Variants in PRKG2 observed in about 807,000 individuals in gnomAD.
The protein encoded by PRKG2 is cGMP-dependent protein kinase 2.
A neutral mutation model predicts 97.2 loss-of-function variants in PRKG2; 33 were observed. That is an observed-to-expected ratio of 0.34 (90% confidence interval 0.26 to 0.45). The LOEUF (loss-of-function observed/expected upper bound fraction) is 0.45, where lower values mean the gene tolerates loss of function less well. Ranked by LOEUF, PRKG2 falls within the 20% of genes least tolerant of loss-of-function variation. The pLI is 1.00. For missense variants in PRKG2, 638 were observed against 900.0 expected, an observed-to-expected ratio of 0.71 and a Z score of 3.73; for synonymous variants, 330 against 321.8, an observed-to-expected ratio of 1.03 and a Z score of -0.27.
At chr4:81,210,590 T>C (rs1021109211) in intron 1 of PRKG2, among the ~76,000 whole-genome samples, 3 of 152,196 alleles carry the variant, frequency 2.0e-5, no homozygotes, top group African/African-American at 2.4e-5. Context: ...GGAATGCTCA[T>C]TCATTGCTAG....
intron 1 of PRKG2, among the ~76,000 whole-genome samples, chr4:81,207,278 G>A (rs1753732899): frequency 6.6e-6 from 1 of 152,154 alleles, no homozygotes; most frequent in South Asian, 2.1e-4. Flanking sequence ...TTTCTAGACA[G>A]CCTTCTTGGT....
At chr4:81,187,087 A>G (rs916378631) in intron 2 of PRKG2, among the ~76,000 whole-genome samples, 3 of 152,130 alleles carry the variant, frequency 2.0e-5, no homozygotes, top group Non-Finnish European at 2.9e-5. Context: ...ACTATTCCAA[A>G]CAATAGAAAA....
In PRKG2 at chr4:81,137,421, C is replaced by G; in HGVS notation, c.1606G>C (p.Gly536Arg). Residue 536 changes from glycine (G) to arginine (R), a missense_variant, in exon 13 of 19, where the codon GGG (glycine) becomes CGG (arginine). Gly to Arg is a moderately radical substitution (Grantham distance 125). Transcript: ENST00000264399. ...TCCCTTAATATACTCCAGAGCTCCC[C>G]ACCTAAGCAGGCCTCCAGAAGCATG... Reference protein sequence around the residue: ...VYMLLEACLGGELWSILRDRG... With the variant: ...VYMLLEACLGRELWSILRDRG... 6.2e-7 allele frequency: 1 copy of G among 1,612,634 alleles called. No individual in the cohort carries two copies. The highest frequency in any genetic ancestry group is 8.5e-7 in the Non-Finnish European group (1 of 1,178,694).
At position 81,089,628 on chromosome 4, in the gene PRKG2, G is replaced by T; in HGVS notation, c.*80C>A. 1 of 1,088,512 alleles carries T rather than the reference G, an allele frequency of 9.2e-7. No homozygotes were observed. Among genetic ancestry groups the T allele is most frequent in the Non-Finnish European group, 1.4e-6 (1 of 740,430 alleles). 67.4% of individuals were successfully genotyped at this position (1,088,512 alleles called of 1,614,324 possible). ...TCTTCCAAAGATATTATAATACTCT[G>T]AAAAGAAAATAATGTGTTGGATTAT... On this transcript the variant is annotated 3_prime_UTR_variant, in exon 19 of 19. Transcript: ENST00000264399.
intron 8 of PRKG2, among the ~76,000 whole-genome samples, chr4:81,150,146 C>A (rs552743291): frequency 6.6e-6 from 1 of 152,218 alleles, no homozygotes; most frequent in East Asian, 1.9e-4. Flanking sequence ...TAAGCATAGA[C>A]ATAGACATAG....
At chr4:81,150,037 C>T (rs537655507) in intron 8 of PRKG2, among the ~76,000 whole-genome samples, 1 of 152,194 alleles carries the variant, frequency 6.6e-6, no homozygotes, top group Non-Finnish European at 1.5e-5. Flanking sequence ...TTTCATGGAC[C>T]TTTGAGACAG....
chr4:81,210,756 T>A (rs947017196), intron 1 of PRKG2, among the ~76,000 whole-genome samples: 2 of 152,168 alleles, frequency 1.3e-5, no homozygotes, highest in African/African-American at 4.8e-5. Context: ...CACATGAATG[T>A]TTATGGCAGC....
intron 14 of PRKG2, among the ~76,000 whole-genome samples, chr4:81,120,038 T>A (rs887769274): frequency 2.6e-5 from 4 of 152,176 alleles, no homozygotes; most frequent in Non-Finnish European, 5.9e-5. Flanking sequence ...CATATTTCTA[T>A]ATTTGAGTCC....
chr4:81,217,198 G>C (rs972285645), upstream of PRKG2, among the ~76,000 whole-genome samples: 2 of 151,706 alleles, frequency 1.3e-5, no homozygotes, highest in Non-Finnish European at 2.9e-5. Flanking sequence ...TAAACAATGG[G>C]TTGCTAATTA....
At chr4:81,111,416 A>T (rs999820075) in intron 14 of PRKG2, among the ~76,000 whole-genome samples, 1 of 146,090 alleles carries the variant, frequency 6.8e-6, no homozygotes, top group East Asian at 2.3e-4. Flanking sequence ...ATATCATGTT[A>T]TACATGATTA....
At chr4:81,105,645 T>G (rs1743248982) in intron 16 of PRKG2, among the ~76,000 whole-genome samples, 168 bp downstream of exon 16, 2 of 152,102 alleles carry the variant, frequency 1.3e-5, no homozygotes, top group Admixed American at 6.6e-5. Context: ...TGAGGTCAAC[T>G]AAAACCCCCT....
At chr4:81,141,168 A>C (rs1747245560) in intron 11 of PRKG2, among the ~76,000 whole-genome samples, 1 of 151,934 alleles carries the variant, frequency 6.6e-6, no homozygotes. Context: ...AAACCACCAC[A>C]CCCAGCTAAT....
At chr4:81,203,342 CA>C (rs1753433417) in intron 2 of PRKG2, among the ~76,000 whole-genome samples, 1 of 152,064 alleles carries the variant, frequency 6.6e-6, no homozygotes, top group Admixed American at 6.6e-5. Context: ...AATCTGGCAT[CA>C]CTAACTTCCT....
At chr4:81,092,515 A>AAGGGG in intron 17 of PRKG2, 63 bp from the exon 18 acceptor site, 1 of 1,002,728 alleles carries the variant, frequency 1.0e-6, no homozygotes, top group South Asian at 1.4e-5. Context: ...GAAGGAAGGG[A>AAGGGG]GAAAGAAAGA....
intron 8 of PRKG2, 146 bp downstream of exon 8, chr4:81,151,814 A>C: frequency 3.2e-6 from 2 of 630,924 alleles, no homozygotes; most frequent in South Asian, 4.0e-5. Context: ...CCCGCATAAA[A>C]ATTTAAGAAA....
intron 2 of PRKG2, among the ~76,000 whole-genome samples, chr4:81,185,323 C>T (rs1751778785): frequency 6.6e-6 from 1 of 152,130 alleles, no homozygotes; most frequent in African/African-American, 2.4e-5. Flanking sequence ...GGCCAATATT[C>T]AACATTCTTA....
chr4:81,114,443 A>G (rs1375066156), intron 14 of PRKG2, among the ~76,000 whole-genome samples: 1 of 152,152 alleles, frequency 6.6e-6, no homozygotes, highest in African/African-American at 2.4e-5. Flanking sequence ...GTTCAAAGGG[A>G]ATCTTCTTAT....
rs563551819 is a variant in PRKG2, at chr4:81,205,663, C to T, written c.-13-603G>A. On this transcript the variant is annotated intron_variant, in intron 1 of 18. Transcript: ENST00000264399. ...TGCTAAAACACTTCTGAACTGTGGT[C>T]ACCAACAAGAAGAGTTTTAAAATTG... Among the ~76,000 whole-genome samples, 8 of 152,308 alleles carry T rather than the reference C, an allele frequency of 5.3e-5. No individual in the cohort carries two copies. The East Asian group carries it at 1.5e-3, about 29-fold the overall frequency.
At chr4:81,096,310 T>C (rs918943386) in intron 17 of PRKG2, among the ~76,000 whole-genome samples, 3 of 152,036 alleles carry the variant, frequency 2.0e-5, no homozygotes, top group Non-Finnish European at 4.4e-5. Context: ...GGGAGGCTAA[T>C]GTGGGAGGAT....
Sources: allele counts gnomAD v4.1 joint callset (sites outside exome capture counted in the v4.1 genomes callset), GRCh38; gene constraint gnomAD v4.1.1; transcripts MANE v1.5; gene names NCBI Gene and HGNC (gene_info 2026-07-23, HGNC 2026-07-21).